The following ZNF236 variants were observed in gnomAD, a reference collection of about 807,000 sequenced individuals.
ZNF236 encodes regulated by glucose.
ZNF236 carries 50 observed loss-of-function variants against 191.2 expected under a neutral mutation model. The observed-to-expected ratio is 0.26, with a 90% CI of 0.21 to 0.33. The LOEUF is 0.33. Among genes scored for constraint, ZNF236 ranks in the 10% least tolerant of loss-of-function variants. The pLI is 1.00. For missense variants in ZNF236, 1,754 were observed against 2,374.5 expected (o/e 0.74, Z 5.43); for synonymous variants, 907 against 928.8 (o/e 0.98, Z 0.43).
chr18:76,863,511 C>T (rs1976302862), intron 3 of ZNF236, among the ~76,000 whole-genome samples: 1 of 152,028 alleles, frequency 6.6e-6, no homozygotes, highest in Non-Finnish European at 1.5e-5. Flanking sequence ...TCATCTGCCT[C>T]CATGGAAGCT....
At chr18:76,892,168 GTTT>G (rs34870901) in intron 9 of ZNF236, among the ~76,000 whole-genome samples, 4 of 52,776 alleles carry the variant, frequency 7.6e-5, no homozygotes, top group Non-Finnish European at 1.0e-4. Context: ...TTTCTTCTGG[GTTT>G]TTTTTTTTTT....
At chr18:76,911,696 G>A (rs553282941) in intron 16 of ZNF236, among the ~76,000 whole-genome samples, 4,756 of 152,276 alleles carry the variant, frequency 0.031, 240 homozygotes, top group African/African-American at 0.11. Flanking sequence ...CCTCTACTCA[G>A]TGTGAGCATG....
At chr18:76,870,070 A>G (rs1976537659) in intron 4 of ZNF236, among the ~76,000 whole-genome samples, 1 of 152,238 alleles carries the variant, frequency 6.6e-6, no homozygotes, top group Non-Finnish European at 1.5e-5. Context: ...TGTACTTCTT[A>G]ACAACAAGAA....
Position 76,851,948 on chromosome 18 carries a change from C to T in ZNF236, c.363+9C>T. 5.6e-6 allele frequency: 9 copies of T among 1,600,456 alleles called. No homozygotes were observed. The highest frequency in any genetic ancestry group is 6.8e-6 in the Non-Finnish European group (8 of 1,173,110). ...TACATGAAAAGGAAGAGGTAATCAT[C>T]ATCATTTTGCATATACTTTGTTAAC... is the stretch of plus-strand genomic sequence containing the variant. On this transcript the variant is annotated intron_variant, in intron 3 of 30. Transcript: ENST00000320610.
At chr18:76,911,570 A>G (rs756593864) in intron 16 of ZNF236, among the ~76,000 whole-genome samples, 79 of 152,204 alleles carry the variant, frequency 5.2e-4, no homozygotes, top group Admixed American at 1.0e-3. Context: ...CAGGTAAACA[A>G]ATGCGACACA....
chr18:76,880,320 A>G lies in ZNF236; in HGVS notation c.1188+4A>G, dbSNP rs1247976437. Reference sequence around the variant, plus strand: ...CATCAACCAGGACATTTTACAGGTGAAGCACGCTTCCCTGCGGTGTGAGGC... The same window carrying G: ...CATCAACCAGGACATTTTACAGGTGGAGCACGCTTCCCTGCGGTGTGAGGC... On this transcript the variant is annotated splice_donor_region_variant and intron_variant, in intron 8 of 30. Transcript: ENST00000320610. The surrounding 1 kb of genome is among the most constrained non-coding windows in gnomAD (Gnocchi z 5.0). 2.5e-6 allele frequency: 4 copies of G among 1,608,340 alleles called. No individual in the cohort carries two copies. The African/African-American group carries it at 4.0e-5, about 16-fold the overall frequency.
Position 76,947,603 on chromosome 18 carries a change from G to A in ZNF236, c.4865G>A (p.Ser1622Asn). 1 of 1,614,008 alleles carries A rather than the reference G, an allele frequency of 6.2e-7. No individual in the cohort carries two copies. Among genetic ancestry groups the A allele is most frequent in the South Asian group, 1.1e-5 (1 of 91,076 alleles). ...GGCTCGCCGCAAGTCATACTAGTGA[G>A]CCACACGCCACAGTCAGCGTCTGCT... ...GAGSPQVILVSHTPQSASAAC... is the reference protein window; with the variant it reads ...GAGSPQVILVNHTPQSASAAC... Residue 1622 changes from serine to asparagine, a missense_variant, in exon 27 of 31, where the codon AGC (serine) becomes AAC (asparagine). Around this residue, in one of 5 missense-constraint regions of ZNF236, gnomAD observed 606 missense variants for 761.5 expected, o/e 0.80. Transcript: ENST00000320610.
Position 76,880,308 on chromosome 18 carries a change from A to G in ZNF236, c.1180A>G (p.Ile394Val). Reference sequence around the variant, plus strand: ...CATCACAGTGGGCATCAACCAGGACATTTTACAGGTGAAGCACGCTTCCCT... The same window carrying G: ...CATCACAGTGGGCATCAACCAGGACGTTTTACAGGTGAAGCACGCTTCCCT... ...LSITVGINQDILQQALENSGL... is the reference protein window; with the variant it reads ...LSITVGINQDVLQQALENSGL... Residue 394 changes from isoleucine (I) to valine (V), a missense_variant, in exon 8 of 31, where the codon ATT (isoleucine) becomes GTT (valine). Physicochemically the swap from Ile to Val is conservative, Grantham distance 29. This residue lies in a region of ZNF236 where 336 missense variants were observed against 495.1 expected (regional missense o/e 0.68). Transcript: ENST00000320610. This position sits in a 1 kb window ranked among gnomAD's most constrained non-coding sequence, Gnocchi z 5.0. The G allele has an allele frequency of 6.2e-7, 1 of 1,610,902 alleles. No homozygotes were observed.
At chr18:76,957,310 G>A (rs1968547722) in intron 28 of ZNF236, among the ~76,000 whole-genome samples, 2 of 152,182 alleles carry the variant, frequency 1.3e-5, no homozygotes, top group Non-Finnish European at 2.9e-5. Flanking sequence ...GTGGAGTAGA[G>A]CACATGGGCT....
In ZNF236 at chr18:76,969,462, C is replaced by T. The variant is rs538354163; in HGVS notation, c.*1123C>T. 1 of 152,608 alleles carries T rather than the reference C, an allele frequency of 6.6e-6. No individual in the cohort carries two copies. Among genetic ancestry groups the T allele is most frequent in the East Asian group, 1.9e-4 (1 of 5,186 alleles). The allele number at this position is 152,608 out of a possible 1,614,324, so 9.5% of individuals were successfully genotyped here. Reference sequence around the variant, plus strand: ...CATATGTACATAGATATATGGGCCTCTGTGTGGCTGAACAGTATATTTTGT... The same window carrying T: ...CATATGTACATAGATATATGGGCCTTTGTGTGGCTGAACAGTATATTTTGT... On this transcript the variant is annotated 3_prime_UTR_variant, in exon 31 of 31. Transcript: ENST00000320610.
At chr18:76,957,950 G>T (rs114417327) in intron 28 of ZNF236, among the ~76,000 whole-genome samples, 67 of 152,320 alleles carry the variant, frequency 4.4e-4, no homozygotes, top group African/African-American at 1.5e-3. Context: ...TTAAACTTAA[G>T]AGCTTCTGCA....
chr18:76,830,516 G>C (rs1046228535), intron 1 of ZNF236, among the ~76,000 whole-genome samples: 2 of 152,050 alleles, frequency 1.3e-5, no homozygotes, highest in African/African-American at 2.4e-5. Flanking sequence ...CCGCAGGCTC[G>C]GTAGCACTTA....
At chr18:76,935,934 A>G in intron 25 of ZNF236, 1 of 455,772 alleles carries the variant, frequency 2.2e-6, no homozygotes. Flanking sequence ...CGGCTGCTTC[A>G]GCGCTCGAGC....
intron 9 of ZNF236, among the ~76,000 whole-genome samples, chr18:76,882,397 C>G (rs1020460639): frequency 6.6e-6 from 1 of 152,148 alleles, no homozygotes; most frequent in African/African-American, 2.4e-5. Flanking sequence ...GTCTAATATC[C>G]CTTCTAGGTA....
intron 25 of ZNF236, chr18:76,936,102 A>G (rs1311144984): frequency 4.4e-6 from 2 of 456,792 alleles, no homozygotes; most frequent in Non-Finnish European, 8.8e-6. Flanking sequence ...GACTCCTAGG[A>G]GAGCGCTGGA....
At chr18:76,836,713 A>AT (rs1164741365) in intron 1 of ZNF236, among the ~76,000 whole-genome samples, 3 of 147,690 alleles carry the variant, frequency 2.0e-5, no homozygotes, top group East Asian at 4.1e-4. Flanking sequence ...GAGTGGCTGG[A>AT]GCTACAGGCG....
chr18:76,943,298 G>T (rs1968184746), intron 26 of ZNF236, among the ~76,000 whole-genome samples: 1 of 152,116 alleles, frequency 6.6e-6, no homozygotes, highest in African/African-American at 2.4e-5. Context: ...GGCTAATTTT[G>T]AAATGTAATT....
chr18:76,965,207 A>G (rs921148719), intron 30 of ZNF236, among the ~76,000 whole-genome samples: 1 of 152,154 alleles, frequency 6.6e-6, no homozygotes, highest in South Asian at 2.1e-4. Context: ...TTGCATTTCT[A>G]TAAGTATGTC....
chr18:76,910,807 A>G lies in ZNF236; in HGVS notation c.2801A>G (p.Asn934Ser), dbSNP rs1967199043. ...CAGGCTCCCAGCTCTGATGGGATGA[A>G]TGTAGTGAGTATGGACAGAGGGGTG... ...LLQAPSSDGM[N>S]VTTRLIQESS... Residue 934 changes from asparagine (N) to serine (S), a missense_variant, in exon 16 of 31, where the codon AAT becomes AGT. Physicochemically the swap from Asn to Ser is conservative, Grantham distance 46 (BLOSUM62 1). Coordinates refer to ENST00000320610, the MANE Select transcript of ZNF236 (RefSeq NM_001306089.2). 2 of 1,614,136 alleles carry G rather than the reference A, an allele frequency of 1.2e-6. No individual in the cohort carries two copies. Among genetic ancestry groups the G allele is most frequent in the Non-Finnish European group, 1.7e-6 (2 of 1,180,000 alleles).
Sources: gnomAD v4.1 joint callset for allele counts (sites outside exome capture counted in the v4.1 genomes callset) on GRCh38, gnomAD v4.1.1 for gene constraint, gnomAD v4.1.1 regional missense constraint, Gnocchi (gnomAD v3.1) non-coding constraint, MANE v1.5 for transcripts, NCBI Gene and HGNC (gene_info 2026-07-23, HGNC 2026-07-21) for gene names.